The following EXOSC7 variants were observed in gnomAD, a reference collection of about 807,000 sequenced individuals.
EXOSC7 encodes exosome component 7.
Under a neutral mutation model 34.3 loss-of-function variants are expected in EXOSC7, and 25 were observed. That is an observed-to-expected ratio of 0.73 (90% CI 0.53 to 1.02). EXOSC7 has a LOEUF of 1.02. EXOSC7 is among the 50% of genes least tolerant of loss of function. EXOSC7 has a pLI of 0.00. For missense variants in EXOSC7, 370 were observed against 368.5 expected, an observed-to-expected ratio of 1.00 and a Z score of -0.03; for synonymous variants, 130 against 143.0, an observed-to-expected ratio of 0.91 and a Z score of 0.65.
chr3:45,010,295 T>A (rs984841377), intron 7 of EXOSC7, among the ~76,000 whole-genome samples: 1 of 152,230 alleles, frequency 6.6e-6, no homozygotes, highest in Non-Finnish European at 1.5e-5. Flanking sequence ...TTATCCAGGC[T>A]GGAGTACAGT....
At chr3:44,982,486 C>T (rs1311636126) in intron 1 of EXOSC7, among the ~76,000 whole-genome samples, 1 of 152,230 alleles carries the variant, frequency 6.6e-6, no homozygotes, top group East Asian at 1.9e-4. Context: ...AACCCTACCA[C>T]AGGGCTCTTG....
Position 44,989,316 on chromosome 3 carries a change from C to G in EXOSC7, c.159+75C>G. 3 of 1,189,578 alleles carry G rather than the reference C, an allele frequency of 2.5e-6. No homozygotes were observed. The South Asian group carries it at 3.9e-5, about 15-fold the overall frequency. The allele number at this position is 1,189,578 out of a possible 1,614,324, so 73.7% of individuals were successfully genotyped here. A position where few individuals can be genotyped will look rare whatever the true frequency, so the allele number is the denominator to read the frequency against. On this transcript the variant is annotated intron_variant, in intron 2 of 7. Transcript: ENST00000265564. ...CTAAGGAATGAGCTGCTGACGCTGTCTGGCTTTTGGAATGCAAATTGCTCT... is the reference window on the plus strand; with the variant it reads ...CTAAGGAATGAGCTGCTGACGCTGTGTGGCTTTTGGAATGCAAATTGCTCT...
chr3:44,991,047 A>G (rs1359545214), intron 3 of EXOSC7, among the ~76,000 whole-genome samples: 1 of 152,202 alleles, frequency 6.6e-6, no homozygotes, highest in Non-Finnish European at 1.5e-5. Flanking sequence ...GAGTTCAGAG[A>G]GAGTAAGTGA....
chr3:44,993,531 T>C (rs1706627909), intron 3 of EXOSC7, among the ~76,000 whole-genome samples: 1 of 151,908 alleles, frequency 6.6e-6, no homozygotes, highest in African/African-American at 2.4e-5. Flanking sequence ...CTACCCCAGT[T>C]AAACCAGAGA....
chr3:45,007,960 G>C (rs1429219882), intron 7 of EXOSC7, among the ~76,000 whole-genome samples: 1 of 152,188 alleles, frequency 6.6e-6, no homozygotes, highest in Non-Finnish European at 1.5e-5. Flanking sequence ...CCCTAGAAGT[G>C]GGTGAGTAAA....
At chr3:45,012,629 A>G (rs1251338319), downstream of EXOSC7, 1 of 152,186 alleles carries the variant, frequency 6.6e-6, no homozygotes, top group East Asian at 1.9e-4. Flanking sequence ...GCAGAGATGC[A>G]ACTCGAGTGT....
chr3:44,980,352 C>T (rs980205035), intron 1 of EXOSC7, among the ~76,000 whole-genome samples: 5 of 152,210 alleles, frequency 3.3e-5, no homozygotes, highest in African/African-American at 1.2e-4. Context: ...GGTTCTCTTT[C>T]AGTCTTTGAA....
chr3:45,003,362 TA>T (rs1706940465), intron 5 of EXOSC7, among the ~76,000 whole-genome samples: 1 of 46,450 alleles, frequency 2.2e-5, no homozygotes, highest in African/African-American at 1.1e-4. Context: ...TGTGTGTGTG[TA>T]TGTGTGTGTG....
intron 2 of EXOSC7, 47 bp from the exon 3 acceptor site, chr3:44,989,503 C>T: frequency 2.1e-6 from 3 of 1,447,420 alleles, no homozygotes; most frequent in East Asian, 4.5e-5. Context: ...TGGTGGAGTA[C>T]CTGGCTGCAT....
chr3:45,004,104 C>G (rs1031704648), intron 5 of EXOSC7: 2 of 152,180 alleles, frequency 1.3e-5, no homozygotes, highest in African/African-American at 4.8e-5. Flanking sequence ...GCACATATTT[C>G]TCTATTTCTG....
rs1468384038 is a variant in EXOSC7 at position 44,989,574 on chromosome 3, G to T, written c.184G>T (p.Val62Leu). ...GGGTCACACAGACATCTTGGTGGGA[G>T]TGAAAGCAGAAATGGGGACGCCGAA... ...KLGHTDILVGVKAEMGTPKLE... is the reference protein window; with the variant it reads ...KLGHTDILVGLKAEMGTPKLE... Residue 62 changes from valine (V) to leucine (L), a missense_variant, in exon 3 of 8, where the codon GTG becomes TTG. Coordinates refer to ENST00000265564, the MANE Select transcript of EXOSC7 (RefSeq NM_015004.4). The T allele has an allele frequency of 1.2e-6, 2 of 1,614,130 alleles. No homozygotes were observed. Among genetic ancestry groups the T allele is most frequent in the Middle Eastern group, 1.6e-4 (1 of 6,062 alleles).
chr3:45,007,775 G>A (rs927124378), intron 7 of EXOSC7, among the ~76,000 whole-genome samples, 200 bp downstream of exon 7: 13 of 152,154 alleles, frequency 8.5e-5, no homozygotes, highest in African/African-American at 2.9e-4. Context: ...GGACTGGGAG[G>A]TAAGGAGCCT....
chr3:44,976,246 A>T lies in EXOSC7; in HGVS notation c.-32A>T. 1 of 1,527,156 alleles carries T rather than the reference A, an allele frequency of 6.5e-7. No individual in the cohort carries two copies. The highest frequency in any genetic ancestry group is 2.3e-5 in the Admixed American group (1 of 44,416). 94.6% of individuals were successfully genotyped at this position (1,527,156 alleles called of 1,614,324 possible). On this transcript the variant is annotated 5_prime_UTR_variant, in exon 1 of 8. An upstream start codon of the reference 5' UTR is lost. Transcript: ENST00000265564. ...GGTCCAGAGGAGGGGACGCGCGCAG[A>T]TGACGTGCGGCTCGTGGGGCAGCTC...
chr3:44,992,551 T>A (rs1423174080), intron 3 of EXOSC7, among the ~76,000 whole-genome samples: 1 of 152,208 alleles, frequency 6.6e-6, no homozygotes, highest in African/African-American at 2.4e-5. Context: ...TTGGAAAGAC[T>A]GCTGCACTGA....
At chr3:44,998,710 T>TG (rs531746240) in intron 4 of EXOSC7, among the ~76,000 whole-genome samples, 80 of 152,360 alleles carry the variant, frequency 5.3e-4, no homozygotes, top group Middle Eastern at 6.8e-3. Context: ...AGGTTACTGT[T>TG]GCAATGCTAC....
At chr3:44,997,962 A>C (rs548318264) in intron 4 of EXOSC7, among the ~76,000 whole-genome samples, 45 of 151,808 alleles carry the variant, frequency 3.0e-4, no homozygotes, top group African/African-American at 1.1e-3. Context: ...TTGCCTCCCA[A>C]ATACTCCTCT....
intron 1 of EXOSC7, among the ~76,000 whole-genome samples, chr3:44,984,058 T>C (rs931406430): frequency 2.0e-5 from 3 of 152,240 alleles, no homozygotes; most frequent in Admixed American, 6.5e-5. Context: ...AATTAAAGGC[T>C]GGAAAAGCAG....
intron 4 of EXOSC7, among the ~76,000 whole-genome samples, chr3:44,999,090 C>T (rs1382702477): frequency 1.3e-5 from 2 of 152,206 alleles, no homozygotes; most frequent in Non-Finnish European, 2.9e-5. Flanking sequence ...TGTAGGATGG[C>T]CCAGTGATGG....
At chr3:45,006,959 A>T (rs1487513568) in intron 6 of EXOSC7, among the ~76,000 whole-genome samples, 1 of 151,996 alleles carries the variant, frequency 6.6e-6, no homozygotes, top group Non-Finnish European at 1.5e-5. Context: ...TCCTGAGCTC[A>T]AGCATTCCAT....
Sources: allele counts gnomAD v4.1 joint callset (sites outside exome capture counted in the v4.1 genomes callset), GRCh38; gene constraint gnomAD v4.1.1; transcripts MANE v1.5; gene names NCBI Gene and HGNC (gene_info 2026-07-23, HGNC 2026-07-21).